PACRG: variants seen among roughly 807,000 people sequenced by gnomAD.
PACRG encodes the protein parkin coregulated gene protein.
In PACRG, 29 loss-of-function variants were observed where a neutral mutation model predicts 29.7. That is an observed-to-expected ratio of 0.98 (90% CI 0.73 to 1.33). PACRG has a LOEUF of 1.33. Ranked by LOEUF, PACRG falls within the 40% of genes most tolerant of loss-of-function variation. The pLI is 0.00. For synonymous variants in PACRG, 116 were observed against 118.7 expected (o/e 0.98, Z 0.15); for missense variants, 279 against 316.2 (o/e 0.88, Z 0.89).
chr6:162,789,471 A>C (rs540783594), intron 1 of PACRG, among the ~76,000 whole-genome samples: 7 of 152,248 alleles, frequency 4.6e-5, no homozygotes, highest in African/African-American at 1.7e-4. Context: ...CTAAGGCAAA[A>C]ATCAAAGAAG....
At chr6:163,140,258 C>G (rs892533071) in intron 4 of PACRG, among the ~76,000 whole-genome samples, 4 of 152,124 alleles carry the variant, frequency 2.6e-5, no homozygotes, top group African/African-American at 7.2e-5. Context: ...GATCCCTAGG[C>G]CAGAAACAGA....
At chr6:162,981,533 T>A (rs1363581291) in intron 2 of PACRG, among the ~76,000 whole-genome samples, 1 of 151,972 alleles carries the variant, frequency 6.6e-6, no homozygotes, top group East Asian at 1.9e-4. Context: ...TCTTTTTTGG[T>A]TCCATATGAA....
intron 2 of PACRG, among the ~76,000 whole-genome samples, chr6:162,996,917 G>A (rs1462359013): frequency 6.6e-6 from 1 of 152,108 alleles, no homozygotes; most frequent in East Asian, 1.9e-4. Context: ...GAATCCTATA[G>A]TGGCATAAGT....
intron 2 of PACRG, among the ~76,000 whole-genome samples, chr6:163,030,490 C>G (rs1807558862): frequency 6.6e-6 from 1 of 152,136 alleles, no homozygotes; most frequent in Non-Finnish European, 1.5e-5. Context: ...AGCTCCCCTT[C>G]CCAGAGCCAG....
intron 2 of PACRG, among the ~76,000 whole-genome samples, chr6:162,947,342 A>AATCATATGTGATATATATATCATAT (rs1562765529): frequency 7.5e-5 from 1 of 13,352 alleles, no homozygotes; most frequent in African/African-American, 1.2e-4. Context: ...TCATATATAT[A>AATCATATGTGATATATATATCATAT]ATGATTACAT....
chr6:162,981,631 A>G (rs1802443409), intron 2 of PACRG, among the ~76,000 whole-genome samples: 1 of 152,000 alleles, frequency 6.6e-6, no homozygotes, highest in South Asian at 2.1e-4. Context: ...TTTTGGCAGT[A>G]TGGTCATTTT....
At chr6:162,856,295 G>A (rs1219406700) in intron 2 of PACRG, among the ~76,000 whole-genome samples, 2 of 152,134 alleles carry the variant, frequency 1.3e-5, no homozygotes, top group African/African-American at 2.4e-5. Context: ...CTGGCCTCAA[G>A]CTATCTTCCC....
At chr6:162,819,128 C>T (rs1429925829) in intron 2 of PACRG, among the ~76,000 whole-genome samples, 1 of 152,084 alleles carries the variant, frequency 6.6e-6, no homozygotes, top group Admixed American at 6.5e-5. Flanking sequence ...TATTCCATAG[C>T]CACCTATATT....
chr6:163,084,596 ATTACGCG>A (rs1813370516), intron 3 of PACRG, among the ~76,000 whole-genome samples: 1 of 152,116 alleles, frequency 6.6e-6, no homozygotes, highest in African/African-American at 2.4e-5. Flanking sequence ...TTTAGATGCC[ATTACGCG>A]TTACAGTTCA....
At chr6:162,983,807 A>AATTTTT (rs963547470) in intron 2 of PACRG, among the ~76,000 whole-genome samples, 1 of 151,932 alleles carries the variant, frequency 6.6e-6, no homozygotes, top group Non-Finnish European at 1.5e-5. Context: ...TTTTGTGACA[A>AATTTTT]ATTTTTCAGC....
chr6:163,024,909 G>A (rs936664457), intron 2 of PACRG, among the ~76,000 whole-genome samples: 3 of 151,974 alleles, frequency 2.0e-5, no homozygotes, highest in African/African-American at 7.3e-5. Context: ...TGGGATGCAG[G>A]GCTGGTTCAA....
chr6:163,004,670 G>A (rs1397385431), intron 2 of PACRG, among the ~76,000 whole-genome samples: 1 of 149,674 alleles, frequency 6.7e-6, no homozygotes, highest in African/African-American at 2.5e-5. Context: ...GGGACATGAA[G>A]CCTAACCATA....
Position 163,054,112 on chromosome 6 carries a change from G to A in PACRG, c.292-8038G>A, listed in dbSNP as rs1182731546. ...CAGTGAGAGGTCTGGAGAGGAGAAC[G>A]GTGTGCAGTGGACTGAATCGTGCCC... is the stretch of plus-strand genomic sequence containing the variant. On this transcript the variant is annotated intron_variant, in intron 2 of 4. Transcript: ENST00000366888. The A allele has an allele frequency of 3.9e-5, 6 of 152,304 alleles. No individual in the cohort carries two copies. In the East Asian group the frequency reaches 5.8e-4, roughly 15 times the overall value. The allele number at this position is 152,304 out of a possible 1,614,324, so 9.4% of individuals were successfully genotyped here.
At chr6:163,064,612 G>A (rs933710169) in intron 3 of PACRG, among the ~76,000 whole-genome samples, 2 of 152,194 alleles carry the variant, frequency 1.3e-5, no homozygotes, top group African/African-American at 2.4e-5. Context: ...CTTATGTAAG[G>A]TCATGCACAG....
At chr6:162,744,499 G>A (rs1208499810) in intron 1 of PACRG, among the ~76,000 whole-genome samples, 1 of 152,112 alleles carries the variant, frequency 6.6e-6, no homozygotes, top group Non-Finnish European at 1.5e-5. Flanking sequence ...GGAGGCCGAG[G>A]TTGGAGGATT....
At chr6:162,778,774 A>G (rs887633973) in intron 1 of PACRG, among the ~76,000 whole-genome samples, 3 of 152,242 alleles carry the variant, frequency 2.0e-5, no homozygotes, top group Admixed American at 6.5e-5. Context: ...CAGGTGGAGC[A>G]GCACGCCCTG....
intron 2 of PACRG, among the ~76,000 whole-genome samples, chr6:163,026,830 G>A (rs911633765): frequency 6.6e-6 from 1 of 152,242 alleles, no homozygotes; most frequent in African/African-American, 2.4e-5. Context: ...CAGGCACAGA[G>A]GGACTGGTTA....
chr6:163,032,843 T>G (rs1225748263), intron 2 of PACRG, among the ~76,000 whole-genome samples: 1 of 152,152 alleles, frequency 6.6e-6, no homozygotes, highest in African/African-American at 2.4e-5. Context: ...TTATAAACCT[T>G]TTATAACCCT....
intron 4 of PACRG, among the ~76,000 whole-genome samples, chr6:163,248,816 C>T (rs1463776294): frequency 3.9e-5 from 6 of 152,002 alleles, no homozygotes; most frequent in Non-Finnish European, 1.5e-5. Context: ...AGATCGGGAC[C>T]ATCCTGGCTA....
Sources: allele counts gnomAD v4.1 joint callset (sites outside exome capture counted in the v4.1 genomes callset), GRCh38; gene constraint gnomAD v4.1.1; transcripts MANE v1.5; gene names NCBI Gene and HGNC (gene_info 2026-07-23, HGNC 2026-07-21).